CPNE8: variants seen among roughly 807,000 people sequenced by gnomAD.
The protein encoded by CPNE8 is copine-8.
Under a neutral mutation model 81.5 loss-of-function variants are expected in CPNE8, and 45 were observed. That is an observed-to-expected ratio of 0.55 (90% CI 0.44 to 0.71). The LOEUF (loss-of-function observed/expected upper bound fraction) is 0.71. Among genes scored for constraint, CPNE8 ranks in the 30% least tolerant of loss-of-function variants. The pLI, the probability that CPNE8 is intolerant of heterozygous loss-of-function variation, is 0.00. For synonymous variants in CPNE8, 252 were observed against 226.3 expected, an observed-to-expected ratio of 1.11 and a Z score of -1.02; for missense variants, 594 against 672.1, an observed-to-expected ratio of 0.88 and a Z score of 1.28.
At chr12:38,826,907 C>T (rs1054725054) in intron 6 of CPNE8, among the ~76,000 whole-genome samples, 6 of 151,436 alleles carry the variant, frequency 4.0e-5, no homozygotes, top group Admixed American at 2.6e-4. Context: ...CAGTGGCTCA[C>T]GCCTGTAATC....
intron 6 of CPNE8, among the ~76,000 whole-genome samples, chr12:38,787,027 T>C (rs1000895879): frequency 4.7e-4 from 71 of 152,114 alleles, no homozygotes; most frequent in African/African-American, 1.6e-3. Context: ...GAACATCCCA[T>C]TTCCAGGACT....
At chr12:38,670,825 T>C (rs562802258) in intron 18 of CPNE8, 23 bp from the exon 19 acceptor site, 1 of 1,562,688 alleles carries the variant, frequency 6.4e-7, no homozygotes, top group Admixed American at 1.7e-5. Context: ...ATATGATCAT[T>C]TATTCAGTAC....
intron 6 of CPNE8, among the ~76,000 whole-genome samples, chr12:38,822,061 C>G (rs1943117724): frequency 6.6e-6 from 1 of 152,120 alleles, no homozygotes; most frequent in Admixed American, 6.6e-5. Flanking sequence ...GAAAGGCAAT[C>G]AGTGGTTTTA....
chr12:38,814,580 C>A, intron 6 of CPNE8, among the ~76,000 whole-genome samples: 1 of 151,912 alleles, frequency 6.6e-6, no homozygotes, highest in Non-Finnish European at 1.5e-5. Context: ...AAAAACCAGT[C>A]CTGCTCCTGA....
At chr12:38,816,949 A>G (rs1255158041) in intron 6 of CPNE8, among the ~76,000 whole-genome samples, 1 of 152,250 alleles carries the variant, frequency 6.6e-6, no homozygotes, top group East Asian at 1.9e-4. Flanking sequence ...AGCCTGATGC[A>G]CTGAGTCTAC....
In CPNE8 at chr12:38,652,656, A is replaced by G. The variant is rs2136625083; in HGVS notation, c.*1226T>C. The G allele has an allele frequency of 6.5e-6, 1 of 152,702 alleles. No individual in the cohort carries two copies. Among genetic ancestry groups the G allele is most frequent in the African/African-American group, 2.4e-5 (1 of 41,568 alleles). 9.5% of individuals were successfully genotyped at this position (152,702 alleles called of 1,614,324 possible). A position where few individuals can be genotyped will look rare whatever the true frequency, so the allele number is the denominator to read the frequency against. ...TATTATTTGAAGGCAATTCACAATC[A>G]TTTCCAGGAATTCCGTGAGAATTTA... On this transcript the variant is annotated 3_prime_UTR_variant, in exon 20 of 20. Transcript: ENST00000331366.
intron 15 of CPNE8, among the ~76,000 whole-genome samples, chr12:38,692,789 C>T (rs1258319365): frequency 6.6e-6 from 1 of 152,198 alleles, no homozygotes; most frequent in Non-Finnish European, 1.5e-5. Context: ...TTCTTTGATA[C>T]TCTTCCCATT....
intron 2 of CPNE8, among the ~76,000 whole-genome samples, chr12:38,873,629 A>G (rs1476370006): frequency 6.6e-6 from 1 of 152,164 alleles, no homozygotes; most frequent in African/African-American, 2.4e-5. Context: ...TAATACCCAC[A>G]ATTGCAATGC....
At chr12:38,904,944 A>T (rs900782688) in intron 1 of CPNE8, among the ~76,000 whole-genome samples, 1 of 152,138 alleles carries the variant, frequency 6.6e-6, no homozygotes, top group Non-Finnish European at 1.5e-5. Flanking sequence ...GGGAGAAGCA[A>T]GCTGGAAGGC....
chr12:38,706,539 G>A (rs559614803), intron 13 of CPNE8, among the ~76,000 whole-genome samples: 2 of 151,944 alleles, frequency 1.3e-5, no homozygotes, highest in Non-Finnish European at 2.9e-5. Context: ...ATGTTATCAA[G>A]TATATAAATA....
intron 1 of CPNE8, among the ~76,000 whole-genome samples, chr12:38,896,161 T>C (rs1248671179): frequency 6.6e-6 from 1 of 152,188 alleles, no homozygotes; most frequent in Non-Finnish European, 1.5e-5. Flanking sequence ...TGAATTCGTT[T>C]ACTGTCTAAT....
chr12:38,828,673 T>C (rs1447208712), intron 6 of CPNE8, among the ~76,000 whole-genome samples: 1 of 152,208 alleles, frequency 6.6e-6, no homozygotes, highest in Non-Finnish European at 1.5e-5. Context: ...TTTGAGATTG[T>C]GGTTAACTCT....
chr12:38,666,926 T>C (rs1939068464), intron 19 of CPNE8, among the ~76,000 whole-genome samples: 1 of 152,158 alleles, frequency 6.6e-6, no homozygotes, highest in Non-Finnish European at 1.5e-5. Flanking sequence ...CACATAAAGT[T>C]AATTAAGGAC....
At chr12:38,689,777 G>T (rs1360033545) in intron 15 of CPNE8, among the ~76,000 whole-genome samples, 4 of 152,136 alleles carry the variant, frequency 2.6e-5, no homozygotes, top group Non-Finnish European at 4.4e-5. Context: ...TTCTTTTAAG[G>T]ACCACTGGCC....
chr12:38,729,374 A>C (rs1233390090), intron 11 of CPNE8, among the ~76,000 whole-genome samples: 1 of 152,034 alleles, frequency 6.6e-6, no homozygotes, highest in African/African-American at 2.4e-5. Context: ...TAGAGCACTA[A>C]GTATACTACT....
intron 16 of CPNE8, among the ~76,000 whole-genome samples, chr12:38,680,338 ACTT>A (rs1266293971): frequency 6.6e-6 from 1 of 151,980 alleles, no homozygotes; most frequent in African/African-American, 2.4e-5. Flanking sequence ...ATGGATTAAA[ACTT>A]CTTAACAATG....
At chr12:38,798,212 C>T (rs1254398679) in intron 6 of CPNE8, among the ~76,000 whole-genome samples, 2 of 152,080 alleles carry the variant, frequency 1.3e-5, no homozygotes, top group South Asian at 4.1e-4. Context: ...CACAAAGATA[C>T]TCCTTGAGAA....
chr12:38,681,615 C>A (rs1160165364), intron 16 of CPNE8, among the ~76,000 whole-genome samples: 1 of 152,090 alleles, frequency 6.6e-6, no homozygotes, highest in Non-Finnish European at 1.5e-5. Context: ...AGTAAAGGAG[C>A]TTCATCCAAT....
chr12:38,814,943 T>G (rs1017555469), intron 6 of CPNE8, among the ~76,000 whole-genome samples: 1 of 152,202 alleles, frequency 6.6e-6, no homozygotes, highest in African/African-American at 2.4e-5. Flanking sequence ...ATATATATTT[T>G]TAAGTTAGCC....
Sources: allele counts gnomAD v4.1 joint callset (sites outside exome capture counted in the v4.1 genomes callset), GRCh38; gene constraint gnomAD v4.1.1; transcripts MANE v1.5; gene names NCBI Gene and HGNC (gene_info 2026-07-23, HGNC 2026-07-21).